Variants in COL12A1 observed in about 807,000 individuals in gnomAD.
COL12A1 encodes the protein collagen alpha-1(XII) chain.
In COL12A1, 114 loss-of-function variants were observed where a neutral mutation model predicts 349.7. That is an observed-to-expected ratio of 0.33 (90% confidence interval 0.28 to 0.38). The LOEUF (loss-of-function observed/expected upper bound fraction) is 0.38. Ranked by LOEUF, COL12A1 falls within the 10% of genes least tolerant of loss-of-function variation. The pLI, the probability that COL12A1 is intolerant of heterozygous loss-of-function variation, is 1.00. For missense variants in COL12A1, 3,284 were observed against 3,756.9 expected (o/e 0.87, Z 3.29); for synonymous variants, 1,369 against 1,329.0 (o/e 1.03, Z -0.66).
At position 75,085,224 on chromosome 6, in the gene COL12A1, C is replaced by T; in HGVS notation, c.*1323G>A. ...GGGTCCGTGGGGCAGGGCGCGCCGC[C>T]AGCGCCGGTGGGGCTCAGGAGGCTC... On this transcript the variant is annotated 3_prime_UTR_variant, in exon 66 of 66. Coordinates refer to ENST00000322507, the MANE Select transcript of COL12A1 (RefSeq NM_004370.6). 4 of 469,280 alleles carry T rather than the reference C, an allele frequency of 8.5e-6. No homozygotes were observed. Among genetic ancestry groups the T allele is most frequent in the South Asian group, 4.7e-5 (3 of 64,496 alleles). The allele number at this position is 469,280 out of a possible 1,614,324, so 29.1% of individuals were successfully genotyped here.
chr6:75,134,081 A>G, intron 32 of COL12A1, 84 bp from the exon 33 acceptor site: 1 of 1,440,942 alleles, frequency 6.9e-7, no homozygotes, highest in Non-Finnish European at 9.4e-7. Context: ...TCTCCCAGGC[A>G]CCCTAGAACA....
intron 11 of COL12A1, 104 bp from the exon 12 acceptor site, chr6:75,178,039 A>G: frequency 9.2e-7 from 1 of 1,091,294 alleles, no homozygotes; most frequent in Non-Finnish European, 1.3e-6. Context: ...CATTTCTCTA[A>G]AGAAATCCAT....
intron 25 of COL12A1, among the ~76,000 whole-genome samples, chr6:75,145,116 A>T (rs917748883): frequency 2.6e-5 from 4 of 152,238 alleles, no homozygotes; most frequent in Admixed American, 6.5e-5. Flanking sequence ...GGCATGTTCA[A>T]TGTGAAAAAA....
chr6:75,105,148 G>C, intron 54 of COL12A1, 58 bp downstream of exon 54: 4 of 1,440,404 alleles, frequency 2.8e-6, no homozygotes, highest in Non-Finnish European at 3.9e-6. Context: ...TTGGCAAATA[G>C]ATAATCACTC....
chr6:75,132,483 T>G (rs911506572), intron 34 of COL12A1, among the ~76,000 whole-genome samples: 2 of 152,242 alleles, frequency 1.3e-5, no homozygotes, highest in African/African-American at 4.8e-5. Flanking sequence ...TGAGCTCATC[T>G]GATTCAGTCA....
Position 75,085,329 on chromosome 6 carries a change from T to C in COL12A1, c.*1218A>G, listed in dbSNP as rs1379480569. ...CACCGGCACGATGAAGGGCTCGCGC[T>C]CAGGCAGGTAGGCCCCGCCCTCGGG... On this transcript the variant is annotated 3_prime_UTR_variant, in exon 66 of 66. Coordinates refer to ENST00000322507, the MANE Select transcript of COL12A1 (RefSeq NM_004370.6). The C allele has an allele frequency of 2.1e-6, 1 of 470,978 alleles. No individual in the cohort carries two copies. The highest frequency in any genetic ancestry group is 2.0e-5 in the African/African-American group (1 of 50,106). 29.2% of individuals were successfully genotyped at this position (470,978 alleles called of 1,614,324 possible). A position where few individuals can be genotyped will look rare whatever the true frequency, so the allele number is the denominator to read the frequency against.
intron 30 of COL12A1, 136 bp downstream of exon 30, chr6:75,138,184 A>G (rs1014388800): frequency 1.3e-4 from 125 of 939,492 alleles, no homozygotes; most frequent in Non-Finnish European, 1.6e-4. Context: ...AGAAAAGCCT[A>G]TGTAAAAGAG....
intron 64 of COL12A1, among the ~76,000 whole-genome samples, chr6:75,088,736 C>G (rs1302787171): frequency 1.3e-5 from 2 of 151,892 alleles, no homozygotes; most frequent in Non-Finnish European, 2.9e-5. Context: ...GGAGCGGTGG[C>G]TCACTTCTGT....
Position 75,165,636 on chromosome 6 carries a change from T to A in COL12A1, c.2854A>T (p.Asn952Tyr). ...GTATGAATTGCATCTTCAGGCAGAT[T>A]TTTCTCTCCAGTGTCAACATCATCA... Reference protein sequence around the residue: ...LYDDVDTGEKNLPEDAIHTMI... With the variant: ...LYDDVDTGEKYLPEDAIHTMI... The change falls in exon 14 of 66, where the codon AAT becomes TAT. Residue 952 changes from asparagine (N) to tyrosine (Y), a missense_variant. Physicochemically the swap from Asn to Tyr is moderately radical, Grantham distance 143. Around this residue, in one of 2 missense-constraint regions of COL12A1, gnomAD observed 2,601 missense variants for 2,824.8 expected, o/e 0.92. Transcript: ENST00000322507. 6.2e-7 allele frequency: 1 copy of A among 1,613,948 alleles called. No homozygotes were observed. The highest frequency in any genetic ancestry group is 8.5e-7 in the Non-Finnish European group (1 of 1,179,908).
At chr6:75,149,051 G>A (rs1767349439) in intron 21 of COL12A1, among the ~76,000 whole-genome samples, 1 of 152,098 alleles carries the variant, frequency 6.6e-6, no homozygotes, top group African/African-American at 2.4e-5. Flanking sequence ...CTCCATGATT[G>A]TGAGGCCTCC....
chr6:75,145,659 T>C (rs1431572860), intron 24 of COL12A1, among the ~76,000 whole-genome samples: 2 of 147,876 alleles, frequency 1.4e-5, no homozygotes, highest in Non-Finnish European at 3.0e-5. Flanking sequence ...TGAGACAGAG[T>C]CTCACTCAGT....
At chr6:75,139,873 C>A (rs1372596032) in intron 27 of COL12A1, among the ~76,000 whole-genome samples, 4 of 152,110 alleles carry the variant, frequency 2.6e-5, no homozygotes, top group Non-Finnish European at 5.9e-5. Flanking sequence ...TGTCTGCCAC[C>A]ATTCCTGAGC....
At chr6:75,149,738 CTTT>C (rs1767387538) in intron 21 of COL12A1, among the ~76,000 whole-genome samples, 1 of 152,078 alleles carries the variant, frequency 6.6e-6, no homozygotes, top group African/African-American at 2.4e-5. Flanking sequence ...AGTATCTTAA[CTTT>C]TATTGTACTT....
chr6:75,202,635 G>A, intron 2 of COL12A1, 85 bp downstream of exon 2: 2 of 1,329,862 alleles, frequency 1.5e-6, no homozygotes, highest in Non-Finnish European at 2.1e-6. Flanking sequence ...GGAAAACAGA[G>A]CAAGCAATAG....
At position 75,091,542 on chromosome 6, in the gene COL12A1, A is replaced by G; in HGVS notation, c.8650-17T>C. The G allele has an allele frequency of 6.2e-7, 1 of 1,608,688 alleles. No individual in the cohort carries two copies. The highest frequency in any genetic ancestry group is 8.5e-7 in the Non-Finnish European group (1 of 1,177,156). On this transcript the variant is annotated splice_polypyrimidine_tract_variant and intron_variant, in intron 60 of 65. Transcript: ENST00000322507. ...AGATGGACCCTGAAAAATATGAATT[A>G]CATACATTAGAAACTGACAAACATA...
intron 35 of COL12A1, 39 bp from the exon 36 acceptor site, chr6:75,131,020 C>A: frequency 6.2e-7 from 1 of 1,613,516 alleles, no homozygotes; most frequent in Non-Finnish European, 8.5e-7. Context: ...CTGACAACAA[C>A]TCAAATGCTT....
chr6:75,155,602 C>A, intron 16 of COL12A1, 60 bp downstream of exon 16: 1 of 1,491,720 alleles, frequency 6.7e-7, no homozygotes, highest in Non-Finnish European at 9.1e-7. Flanking sequence ...TTTACAAAAG[C>A]TATTCAACCT....
rs1582143130 is a variant in COL12A1 at position 75,154,285 on chromosome 6, A to G, written c.3565+131T>C. 7 of 1,100,152 alleles carry G rather than the reference A, an allele frequency of 6.4e-6. No individual in the cohort carries two copies. The East Asian group carries it at 1.7e-4, about 27-fold the overall frequency. 68.1% of individuals were successfully genotyped at this position (1,100,152 alleles called of 1,614,324 possible). A position where few individuals can be genotyped will look rare whatever the true frequency, so the allele number is the denominator to read the frequency against. On this transcript the variant is annotated intron_variant, in intron 17 of 65. Coordinates refer to ENST00000322507, the MANE Select transcript of COL12A1 (RefSeq NM_004370.6). ...TGTTTGAAGAATTTTTTTGCTAAGT[A>G]TGTAAATTATTGAAATAAATTTTAG...
Position 75,135,752 on chromosome 6 carries a change from C to T in COL12A1, c.5395-897G>A, listed in dbSNP as rs149301627. 9.2e-5 allele frequency among the ~76,000 whole-genome samples: 14 copies of T among 152,208 alleles called. No homozygotes were observed. The East Asian group carries it at 2.7e-3, about 29-fold the overall frequency. On this transcript the variant is annotated intron_variant, in intron 31 of 65. Transcript: ENST00000322507. ...TGAATCACGGTCATCATCCTCAATA[C>T]GGACAAACTGAACTACCGTGGCTAA... is the stretch of plus-strand genomic sequence containing the variant.
Sources: allele counts gnomAD v4.1 joint callset (sites outside exome capture counted in the v4.1 genomes callset), GRCh38; gene constraint gnomAD v4.1.1; regional missense constraint gnomAD v4.1.1; transcripts MANE v1.5; gene names NCBI Gene and HGNC (gene_info 2026-07-23, HGNC 2026-07-21).